The following SEM1 variants were observed in gnomAD, a reference collection of about 807,000 sequenced individuals.
SEM1 encodes the protein 26S proteasome complex subunit SEM1.
Under a neutral mutation model 12.7 loss-of-function variants are expected in SEM1, and 3 were observed. The ratio of observed to expected loss-of-function variants is 0.24; its 90% CI spans 0.11 to 0.61. The LOEUF (loss-of-function observed/expected upper bound fraction) is 0.61. SEM1 is among the 20% of genes least tolerant of loss of function. The probability of loss-of-function intolerance (pLI) is 0.88; values close to 1 mark genes in which losing one functional copy is unlikely to be tolerated. For missense variants in SEM1, 59 were observed against 81.3 expected (o/e 0.73, Z 1.06); for synonymous variants, 30 against 27.8 (o/e 1.08, Z -0.25).
intron 2 of SEM1, among the ~76,000 whole-genome samples, chr7:96,624,207 T>C (rs1807986483): frequency 6.6e-6 from 1 of 152,146 alleles, no homozygotes; most frequent in Non-Finnish European, 1.5e-5. Context: ...GATCTAAAAT[T>C]TACTTTTACG....
chr7:96,598,719 C>T (rs1807085948), intron 2 of SEM1, among the ~76,000 whole-genome samples: 2 of 152,044 alleles, frequency 1.3e-5, no homozygotes, highest in African/African-American at 4.8e-5. Flanking sequence ...GTAGAACTAC[C>T]ATGTCTTTTT....
chr7:96,570,533 T>C (rs1563065469), intron 2 of SEM1, among the ~76,000 whole-genome samples: 2 of 152,224 alleles, frequency 1.3e-5, no homozygotes, highest in Admixed American at 1.3e-4. Flanking sequence ...ACTCATCCTT[T>C]TTATGGCTAC....
At chr7:96,611,521 G>A (rs1230020248) in intron 2 of SEM1, among the ~76,000 whole-genome samples, 1 of 152,166 alleles carries the variant, frequency 6.6e-6, no homozygotes, top group Non-Finnish European at 1.5e-5. Flanking sequence ...TGAAGAGGAA[G>A]GAGAAACAGT....
At chr7:96,673,585 A>T in exon 3 of SEM1, 1 of 613,510 alleles carries the variant, frequency 1.6e-6, no homozygotes, top group Non-Finnish European at 2.9e-6. Context: ...CCCAGGCTGG[A>T]CCTTCACCCA....
chr7:96,576,928 AC>A (rs1806222382), intron 2 of SEM1, among the ~76,000 whole-genome samples: 1 of 151,838 alleles, frequency 6.6e-6, no homozygotes, highest in African/African-American at 2.4e-5. Context: ...GACCAGCCTG[AC>A]CAACATGGTG....
downstream of SEM1, among the ~76,000 whole-genome samples, chr7:96,686,355 G>C (rs1251792782): frequency 6.6e-6 from 1 of 151,962 alleles, no homozygotes. Context: ...CAAAACACTG[G>C]ATAACTACAA....
exon 3 of SEM1, chr7:96,673,847 G>C (rs780657257): frequency 1.3e-6 from 1 of 765,104 alleles, no homozygotes. Context: ...ATATCATCAG[G>C]AGTACAGTTG....
chr7:96,494,040 C>G (rs1803136653), intron 1 of SEM1, among the ~76,000 whole-genome samples: 1 of 152,042 alleles, frequency 6.6e-6, no homozygotes, highest in African/African-American at 2.4e-5. Context: ...GACAGAGTAA[C>G]AGGAAGACAC....
downstream of SEM1, among the ~76,000 whole-genome samples, chr7:96,686,385 G>A (rs1272814319): frequency 6.6e-6 from 1 of 151,952 alleles, no homozygotes; most frequent in Non-Finnish European, 1.5e-5. Context: ...TAAAGCCTCT[G>A]CTCAACTCCT....
intron 3 of SEM1, among the ~76,000 whole-genome samples, chr7:96,501,794 T>A (rs1338177283): frequency 1.3e-5 from 2 of 152,148 alleles, no homozygotes; most frequent in African/African-American, 2.4e-5. Context: ...ATAATGCCGA[T>A]GTTTGGGGTA....
rs552008472 is a variant in SEM1 at position 96,659,391 on chromosome 7, G to C, written c.170+35407C>G. Reference sequence around the variant, plus strand: ...GCCAACTTATACTCTCAGCATAACTGTATTTCAAGAACAAAGGCAATATAA... The same window carrying C: ...GCCAACTTATACTCTCAGCATAACTCTATTTCAAGAACAAAGGCAATATAA... On this transcript the variant is annotated intron_variant, in intron 2 of 2. Transcript: ENST00000417009. Among the ~76,000 whole-genome samples, 3 of 152,224 alleles carry C rather than the reference G, an allele frequency of 2.0e-5. No individual in the cohort carries two copies. The East Asian group carries it at 5.8e-4, about 29-fold the overall frequency.
At chr7:96,681,607 A>G (rs1347517195) in intron 2 of SEM1, among the ~76,000 whole-genome samples, 1 of 152,192 alleles carries the variant, frequency 6.6e-6, no homozygotes, top group Non-Finnish European at 1.5e-5. Context: ...ATGTATGGCT[A>G]GCCAGTTTTC....
chr7:96,660,928 CA>C (rs1023034243), intron 2 of SEM1, among the ~76,000 whole-genome samples: 173 of 151,116 alleles, frequency 1.1e-3, no homozygotes, highest in African/African-American at 4.1e-3. Context: ...AACGTAATTA[CA>C]AAAAAAATCC....
At chr7:96,529,256 C>T (rs1036370735) in intron 2 of SEM1, among the ~76,000 whole-genome samples, 1 of 152,038 alleles carries the variant, frequency 6.6e-6, no homozygotes, top group East Asian at 1.9e-4. Flanking sequence ...ATTGTATAAC[C>T]TAATTTCTTA....
chr7:96,671,900 C>A (rs1789326532), downstream of SEM1, among the ~76,000 whole-genome samples: 1 of 152,164 alleles, frequency 6.6e-6, no homozygotes, highest in Non-Finnish European at 1.5e-5. Flanking sequence ...ATTGGGGAAA[C>A]CTGTTGTTAT....
downstream of SEM1, chr7:96,688,677 T>C (rs891963687): frequency 3.3e-6 from 1 of 306,724 alleles, no homozygotes; most frequent in Non-Finnish European, 5.8e-6. Context: ...AATATGAAAT[T>C]TTACTATCTA....
intron 2 of SEM1, among the ~76,000 whole-genome samples, chr7:96,582,913 C>T (rs1171179713): frequency 6.6e-6 from 1 of 152,104 alleles, no homozygotes; most frequent in Non-Finnish European, 1.5e-5. Context: ...TTGATCCTTT[C>T]AAAAAACCAG....
chr7:96,596,906 A>T (rs943803724), intron 2 of SEM1, among the ~76,000 whole-genome samples: 1 of 152,220 alleles, frequency 6.6e-6, no homozygotes, highest in African/African-American at 2.4e-5. Context: ...TAATAATTCC[A>T]ATGATAAGCA....
At chr7:96,691,426 G>T (rs1789930813) in intron 2 of SEM1, among the ~76,000 whole-genome samples, 1 of 152,180 alleles carries the variant, frequency 6.6e-6, no homozygotes, top group Admixed American at 6.5e-5. Flanking sequence ...GACAAAAGTA[G>T]GTCACAGAAA....
Sources: allele counts gnomAD v4.1 joint callset (sites outside exome capture counted in the v4.1 genomes callset), GRCh38; gene constraint gnomAD v4.1.1; transcripts MANE v1.5; gene names NCBI Gene and HGNC (gene_info 2026-07-23, HGNC 2026-07-21).